Variants in DDX47 observed in about 807,000 individuals in gnomAD.
DDX47 encodes DEAD-box helicase 47.
A neutral mutation model predicts 58.8 loss-of-function variants in DDX47; 60 were observed. The observed-to-expected ratio is 1.02, with a 90% CI of 0.83 to 1.26. The LOEUF (loss-of-function observed/expected upper bound fraction) is 1.26, where lower values mean the gene tolerates loss of function less well. DDX47 is among the 50% of genes most tolerant of loss of function. DDX47 has a pLI of 0.00. For missense variants in DDX47, 530 were observed against 573.2 expected (o/e 0.92, Z 0.77); for synonymous variants, 197 against 204.6 (o/e 0.96, Z 0.32).
intron 10 of DDX47, among the ~76,000 whole-genome samples, chr12:12,826,781 A>C (rs547164821): frequency 6.7e-6 from 1 of 149,896 alleles, no homozygotes; most frequent in African/African-American, 2.5e-5. Flanking sequence ...TTTAAGCAGC[A>C]AGGTTTCACT....
chr12:12,822,755 T>C (rs1369785701), intron 6 of DDX47, 23 bp downstream of exon 6: 1 of 1,594,812 alleles, frequency 6.3e-7, no homozygotes, highest in East Asian at 2.2e-5. Context: ...AGGACTTTTG[T>C]TTCTTCTTTA....
intron 11 of DDX47, among the ~76,000 whole-genome samples, chr12:12,828,323 A>G (rs888448544): frequency 6.6e-6 from 1 of 152,174 alleles, no homozygotes; most frequent in African/African-American, 2.4e-5. Context: ...TATTGTGTAA[A>G]ATTACCTTCA....
chr12:12,822,555 A>C, intron 5 of DDX47, 106 bp from the exon 6 acceptor site: 1 of 858,864 alleles, frequency 1.2e-6, no homozygotes, highest in Non-Finnish European at 1.9e-6. Context: ...AAATCTTCAC[A>C]GTGATATATT....
At position 12,820,499 on chromosome 12, in the gene DDX47, T is replaced by G. The variant is rs141133997; in HGVS notation, c.182-709T>G. The stretch of plus-strand genomic sequence containing the variant: ...CTCAGCCTAACTATGCATGCTATGT[T>G]CTTTTTATTTTTTGAGATGGAGTTT... On this transcript the variant is annotated intron_variant, in intron 2 of 11. Transcript: ENST00000358007. The G allele has an allele frequency of 3.3e-3, 507 of 153,268 alleles. 2 individuals carry two copies. The highest frequency in any genetic ancestry group is 4.8e-3 in the Non-Finnish European group (333 of 68,828). The allele number at this position is 153,268 out of a possible 1,614,324, so 9.5% of individuals were successfully genotyped here.
intron 2 of DDX47, chr12:12,820,457 C>G (rs764082734): frequency 6.6e-6 from 1 of 152,298 alleles, no homozygotes; most frequent in Non-Finnish European, 1.5e-5. Context: ...CTTCTGTGTT[C>G]CAGCCACATT....
rs764786623 is a variant in DDX47, at chr12:12,829,436, A to G, written c.1250A>G (p.His417Arg). 9.3e-6 allele frequency: 15 copies of G among 1,612,506 alleles called. No homozygotes were observed. Among genetic ancestry groups the G allele is most frequent in the Non-Finnish European group, 1.3e-5 (15 of 1,179,466 alleles). The change falls in exon 12 of 12, where the codon CAT (histidine) becomes CGT (arginine). Residue 417 changes from histidine to arginine, a missense_variant. His to Arg is a conservative substitution (Grantham distance 29, BLOSUM62 0). Transcript: ENST00000358007. ...TTTTTCTTGCAGGAGTTAAGGGAGCATGGAGAAAAGAAGAAACGCTCGCGA... is the reference window on the plus strand; with the variant it reads ...TTTTTCTTGCAGGAGTTAAGGGAGCGTGGAGAAAAGAAGAAACGCTCGCGA... The part of the protein sequence containing the change: ...QRFARMELRE[H>R]GEKKKRSRED...
intron 6 of DDX47, among the ~76,000 whole-genome samples, chr12:12,822,941 G>T (rs1475138386): frequency 6.6e-6 from 1 of 152,162 alleles, no homozygotes; most frequent in African/African-American, 2.4e-5. Flanking sequence ...TACAATTATG[G>T]CAGAAGGTGA....
intron 2 of DDX47, among the ~76,000 whole-genome samples, chr12:12,816,260 G>GTTA: frequency 6.6e-6 from 1 of 152,268 alleles, no homozygotes; most frequent in South Asian, 2.1e-4. Flanking sequence ...TAGCCAGGAT[G>GTTA]GATAAGTTCT....
intron 2 of DDX47, among the ~76,000 whole-genome samples, chr12:12,817,652 G>T (rs1862915747): frequency 1.3e-5 from 2 of 152,192 alleles, no homozygotes; most frequent in Admixed American, 1.3e-4. Context: ...CAGCAATGTG[G>T]CAGGTCTATA....
intron 11 of DDX47, among the ~76,000 whole-genome samples, chr12:12,827,949 C>T (rs1387802475): frequency 6.9e-6 from 1 of 144,342 alleles, no homozygotes; most frequent in South Asian, 2.2e-4. Context: ...AATCTCGGCT[C>T]ACCACAACCT....
At chr12:12,821,895 G>A (rs976250793) in intron 4 of DDX47, 70 bp from the exon 5 acceptor site, 2 of 1,247,490 alleles carry the variant, frequency 1.6e-6, no homozygotes, top group African/African-American at 1.5e-5. Context: ...AACTTTATTT[G>A]TTTATTTGTT....
chr12:12,813,483 A>T (rs1242249385), intron 1 of DDX47, 29 bp downstream of exon 1: 1 of 1,576,136 alleles, frequency 6.3e-7, no homozygotes, highest in Non-Finnish European at 8.6e-7. Context: ...GGCTTCTTTT[A>T]TGTACTCTGG....
chr12:12,818,476 T>A (rs56303669), intron 2 of DDX47, among the ~76,000 whole-genome samples: 59 of 151,446 alleles, frequency 3.9e-4, no homozygotes, highest in African/African-American at 1.4e-3. Context: ...AGCCGAGATC[T>A]CGCCACTGCA....
intron 10 of DDX47, 56 bp from the exon 11 acceptor site, chr12:12,827,190 A>G: frequency 6.3e-7 from 1 of 1,588,070 alleles, no homozygotes; most frequent in Non-Finnish European, 8.6e-7. Flanking sequence ...TAGTTTGGGA[A>G]TGGACAGGCA....
intron 9 of DDX47, among the ~76,000 whole-genome samples, chr12:12,825,375 T>C (rs1863037612): frequency 6.6e-6 from 1 of 152,154 alleles, no homozygotes; most frequent in African/African-American, 2.4e-5. Flanking sequence ...GTTGAAGGAT[T>C]CCTAGTAGCA....
Position 12,819,648 on chromosome 12 carries a change from A to G in DDX47, c.182-1560A>G, listed in dbSNP as rs7952797. Among the ~76,000 whole-genome samples, 778 of 152,292 alleles carry G rather than the reference A, an allele frequency of 5.1e-3. 9 individuals are homozygous for G. The highest frequency in any genetic ancestry group is 0.018 in the African/African-American group (740 of 41,564). On this transcript the variant is annotated intron_variant, in intron 2 of 11. Transcript: ENST00000358007. ...AAACAAGTATGTCCAACTGGTTTTT[A>G]GACATATCTCTTTGAGTTTACTATA...
rs779886782 is a variant in DDX47 at position 12,824,591 on chromosome 12, C to T, written c.949C>T (p.Leu317Phe). ...NKFKAKARSI[L>F]LATDVASRGL... ...GTTTAAGGCCAAGGCCCGTTCCATTCTTCTAGCAACTGACGTTGCCAGCCG... is the reference window on the plus strand; with the variant it reads ...GTTTAAGGCCAAGGCCCGTTCCATTTTTCTAGCAACTGACGTTGCCAGCCG... The change falls in exon 9 of 12, where the codon CTT becomes TTT. Residue 317 changes from leucine to phenylalanine, a missense_variant. Coordinates refer to ENST00000358007, the MANE Select transcript of DDX47 (RefSeq NM_016355.4). 1.9e-6 allele frequency: 3 copies of T among 1,614,050 alleles called. No homozygotes were observed. The highest frequency in any genetic ancestry group is 2.5e-6 in the Non-Finnish European group (3 of 1,180,014).
chr12:12,815,692 G>A (rs1329943363), intron 2 of DDX47, among the ~76,000 whole-genome samples: 1 of 152,134 alleles, frequency 6.6e-6, no homozygotes, highest in African/African-American at 2.4e-5. Flanking sequence ...AAGCCAACTG[G>A]AAAACATGGG....
rs1240659826 is a variant in DDX47, at chr12:12,827,277, C to A, written c.1138C>A (p.His380Asn). The change falls in exon 11 of 12, where the codon CAC becomes AAC. Residue 380 changes from histidine (H) to asparagine (N), a missense_variant. By Grantham distance (68) the His-to-Asn change is moderately conservative (BLOSUM62 1). Transcript: ENST00000358007. Reference sequence around the variant, plus strand: ...TGTGGAACTCTTCCAGCGCATAGAACACTTAATTGGGAAGAAACTACCAGG... The same window carrying A: ...TGTGGAACTCTTCCAGCGCATAGAAAACTTAATTGGGAAGAAACTACCAGG... ...YDVELFQRIEHLIGKKLPGFP... is the reference protein window; with the variant it reads ...YDVELFQRIENLIGKKLPGFP... 13 of 1,614,046 alleles carry A rather than the reference C, an allele frequency of 8.1e-6. No individual in the cohort carries two copies. Among genetic ancestry groups the A allele is most frequent in the Non-Finnish European group, 1.1e-5 (13 of 1,180,040 alleles).
Sources: gnomAD v4.1 joint callset for allele counts (sites outside exome capture counted in the v4.1 genomes callset) on GRCh38, gnomAD v4.1.1 for gene constraint, MANE v1.5 for transcripts, NCBI Gene and HGNC (gene_info 2026-07-23, HGNC 2026-07-21) for gene names.